Variants in DENND4A observed in about 807,000 individuals in gnomAD.
DENND4A encodes C-myc promoter-binding protein.
Under a neutral mutation model 199.3 loss-of-function variants are expected in DENND4A, and 70 were observed. The ratio of observed to expected loss-of-function variants is 0.35; its 90% CI spans 0.29 to 0.43. The LOEUF (loss-of-function observed/expected upper bound fraction) is 0.43. Ranked by LOEUF, DENND4A falls within the 20% of genes least tolerant of loss-of-function variation. DENND4A has a pLI of 1.00. For missense variants in DENND4A, 1,723 were observed against 2,255.8 expected (o/e 0.76, Z 4.78); for synonymous variants, 686 against 766.9 (o/e 0.89, Z 1.74).
In DENND4A at chr15:65,700,671, A is replaced by C. The variant is rs2074835733; in HGVS notation, c.2706T>G (p.Asp902Glu). 1 of 1,535,838 alleles carries C rather than the reference A, an allele frequency of 6.5e-7. No individual in the cohort carries two copies. The highest frequency in any genetic ancestry group is 8.8e-7 in the Non-Finnish European group (1 of 1,141,980). The change falls in exon 20 of 33, where the codon GAT becomes GAG. Residue 902 changes from aspartate to glutamate, a missense_variant. Asp to Glu is a conservative substitution (Grantham distance 45, BLOSUM62 2). Transcript: ENST00000443035. ...GACTAACAGCATCCAGGTCACTGCC[A>C]TCTGCTTAAGAACACAATTTGACAG... ...AHLSQTTLSA[D>E]GSDLDAVSHG... is the part of the protein sequence containing the mutation.
intron 31 of DENND4A, 47 bp from the exon 32 acceptor site, chr15:65,664,441 A>C: frequency 6.6e-7 from 1 of 1,514,984 alleles, no homozygotes; most frequent in Non-Finnish European, 9.0e-7. Flanking sequence ...CATATAGTCC[A>C]TATGTTCCCT....
At chr15:65,741,903 G>T in intron 4 of DENND4A, 119 bp from the exon 5 acceptor site, 2 of 641,292 alleles carry the variant, frequency 3.1e-6, no homozygotes, top group Non-Finnish European at 4.9e-6. Flanking sequence ...ATTTCCCTCT[G>T]CTAGCTATTT....
intron 1 of DENND4A, among the ~76,000 whole-genome samples, chr15:65,782,966 C>CTT (rs79229683): frequency 2.3e-5 from 3 of 133,248 alleles, no homozygotes; most frequent in Admixed American, 7.7e-5. Context: ...TGGAAGGGAT[C>CTT]TTTTTTTTTT....
intron 23 of DENND4A, among the ~76,000 whole-genome samples, chr15:65,683,105 T>G (rs1267232238): frequency 1.3e-5 from 2 of 152,176 alleles, no homozygotes; most frequent in African/African-American, 4.8e-5. Context: ...ATGATACCAA[T>G]TGACTTGCTC....
intron 7 of DENND4A, 121 bp from the exon 8 acceptor site, chr15:65,732,939 T>C: frequency 1.8e-6 from 1 of 542,650 alleles, no homozygotes; most frequent in Non-Finnish European, 3.3e-6. Context: ...TTGAAATCCC[T>C]AATACTATGA....
chr15:65,788,661 C>T lies in DENND4A; in HGVS notation c.-102+3349G>A, dbSNP rs533671521. 5.9e-4 allele frequency among the ~76,000 whole-genome samples: 89 copies of T among 151,928 alleles called. 1 individual carries two copies. Among genetic ancestry groups the T allele is most frequent in the African/African-American group, 2.0e-3 (82 of 41,406 alleles). On this transcript the variant is annotated intron_variant, in intron 1 of 32. Transcript: ENST00000443035. ...CTACTTGGGCTCACGAGTTCAAGAC[C>T]AGGCTGGGCAACATGGCAAAACCCC...
chr15:65,734,850 G>GGC (rs765758299), intron 7 of DENND4A, among the ~76,000 whole-genome samples: 33 of 152,304 alleles, frequency 2.2e-4, no homozygotes, highest in Non-Finnish European at 4.0e-4. Context: ...GGGAGGCTGA[G>GGC]GCGAGTGAAT....
intron 15 of DENND4A, among the ~76,000 whole-genome samples, chr15:65,704,225 A>G (rs2074970033): frequency 6.6e-6 from 1 of 152,162 alleles, no homozygotes; most frequent in Admixed American, 6.5e-5. Context: ...TTTATGAGTA[A>G]TCTCTTATGA....
At chr15:65,702,623 A>G in intron 16 of DENND4A, 112 bp from the exon 17 acceptor site, 2 of 994,664 alleles carry the variant, frequency 2.0e-6, no homozygotes, top group Middle Eastern at 2.8e-4. Flanking sequence ...CCATAACAAA[A>G]TATGTCTGTA....
chr15:65,737,897 G>C lies in DENND4A; in HGVS notation c.850C>G (p.Leu284Val), dbSNP rs1446957671. 6.2e-7 allele frequency: 1 copy of C among 1,602,664 alleles called. No individual in the cohort carries two copies. ...AAAAGAAGTCTCTGCTTTTCTGTGA[G>C]ATTCTCCTCAGAGTATGGTTCATAA... ...QFYEPYSEEN[L>V]TEKQRLLLGL... Residue 284 changes from leucine to valine, a missense_variant, in exon 7 of 33, where the codon CTC (leucine) becomes GTC (valine). This residue lies in a region of DENND4A where 725 missense variants were observed against 952.9 expected (regional missense o/e 0.76). Coordinates refer to ENST00000443035, the MANE Select transcript of DENND4A (RefSeq NM_001320835.1).
chr15:65,726,979 T>C (rs1032528414), intron 11 of DENND4A, among the ~76,000 whole-genome samples: 2 of 151,082 alleles, frequency 1.3e-5, no homozygotes, highest in Admixed American at 1.3e-4. Context: ...AAGTAAAAAA[T>C]TTTTTTCAAA....
At chr15:65,727,994 T>A (rs2075854448) in intron 11 of DENND4A, among the ~76,000 whole-genome samples, 1 of 151,930 alleles carries the variant, frequency 6.6e-6, no homozygotes, top group Admixed American at 6.6e-5. Flanking sequence ...ATGATGAGTT[T>A]TTTTTGTTTG....
intron 4 of DENND4A, among the ~76,000 whole-genome samples, chr15:65,750,076 TAAAC>T (rs2076520795): frequency 6.6e-6 from 1 of 152,078 alleles, no homozygotes; most frequent in Admixed American, 6.6e-5. Flanking sequence ...GAAAGTTAAA[TAAAC>T]TGATAACGAT....
intron 14 of DENND4A, among the ~76,000 whole-genome samples, chr15:65,714,815 AG>A (rs1456342468): frequency 6.6e-6 from 1 of 152,106 alleles, no homozygotes; most frequent in African/African-American, 2.4e-5. Flanking sequence ...TCTCCATGTT[AG>A]ACCATGCCTC....
intron 1 of DENND4A, among the ~76,000 whole-genome samples, chr15:65,763,808 G>A (rs993952950): frequency 2.6e-5 from 4 of 151,684 alleles, no homozygotes; most frequent in Non-Finnish European, 5.9e-5. Flanking sequence ...ATAGATATAT[G>A]TATTTTTAAA....
At chr15:65,665,879 C>A (rs1046737783) in intron 29 of DENND4A, among the ~76,000 whole-genome samples, 2 of 152,158 alleles carry the variant, frequency 1.3e-5, no homozygotes, top group African/African-American at 2.4e-5. Context: ...GCATGCAGCA[C>A]AAGAAGAGAG....
rs200768018 is a variant in DENND4A at position 65,667,650 on chromosome 15, C to T, written c.5040G>A (p.Pro1680=). The change falls in exon 29 of 33, where the codon CCG becomes CCA. Residue 1680 remains proline, a synonymous_variant. Transcript: ENST00000443035. The part of the protein sequence containing the change: ...HLPSPDPVTV[P]YLSPLVVWKE... The stretch of plus-strand genomic sequence containing the variant: ...TCCATACCACTAAAGGACTAAGATA[C>T]GGAACAGTGACAGGATCGGGACTTG... 1.5e-4 allele frequency: 236 copies of T among 1,613,844 alleles called. No individual in the cohort carries two copies. In the African/African-American group the frequency reaches 2.7e-3, roughly 18 times the overall value.
rs1002260696 is a variant in DENND4A at position 65,661,822 on chromosome 15, C to T, written c.*29G>A. ...TTTTATACACTGACTATACAATATA[C>T]ATTGAATGTTTACACATACAAATAC... is the stretch of plus-strand genomic sequence containing the variant. On this transcript the variant is annotated 3_prime_UTR_variant, in exon 33 of 33. Transcript: ENST00000443035. The T allele has an allele frequency of 3.8e-6, 6 of 1,564,424 alleles. No individual in the cohort carries two copies. Among genetic ancestry groups the T allele is most frequent in the Non-Finnish European group, 5.2e-6 (6 of 1,148,396 alleles).
intron 11 of DENND4A, among the ~76,000 whole-genome samples, chr15:65,723,550 G>A (rs778918774): frequency 7.9e-5 from 12 of 151,992 alleles, no homozygotes; most frequent in East Asian, 1.9e-4. Context: ...GAGGATATCC[G>A]TTAAAAATGA....
Sources: allele counts gnomAD v4.1 joint callset (sites outside exome capture counted in the v4.1 genomes callset), GRCh38; gene constraint gnomAD v4.1.1; regional missense constraint gnomAD v4.1.1; transcripts MANE v1.5; gene names NCBI Gene and HGNC (gene_info 2026-07-23, HGNC 2026-07-21).